Variants in GRIN3A observed in about 807,000 individuals in gnomAD.
GRIN3A encodes the protein glutamate ionotropic receptor NMDA type subunit 3A.
Under a neutral mutation model 92.4 loss-of-function variants are expected in GRIN3A, and 47 were observed. The ratio of observed to expected loss-of-function variants is 0.51; its 90% CI spans 0.40 to 0.65. The LOEUF (loss-of-function observed/expected upper bound fraction) is 0.65, where lower values mean the gene tolerates loss of function less well. Among genes scored for constraint, GRIN3A ranks in the 30% least tolerant of loss-of-function variants. GRIN3A has a pLI of 0.00. For synonymous variants in GRIN3A, 527 were observed against 540.6 expected, an observed-to-expected ratio of 0.97 and a Z score of 0.35; for missense variants, 1,324 against 1,393.1, an observed-to-expected ratio of 0.95 and a Z score of 0.79.
At chr9:101,658,020 G>A (rs376350011) in intron 3 of GRIN3A, among the ~76,000 whole-genome samples, 58 of 152,040 alleles carry the variant, frequency 3.8e-4, no homozygotes, top group African/African-American at 1.3e-3. Flanking sequence ...TAAGTCCAGA[G>A]GTGAGGAAAG....
At position 101,640,563 on chromosome 9, in the gene GRIN3A, C is replaced by T. The variant is rs56250757; in HGVS notation, c.2353-12162G>A. On this transcript the variant is annotated intron_variant, in intron 3 of 8. Transcript: ENST00000361820. ...AGAATGTTAGTTCTGTTTCCACTAC[C>T]TTGTGTAATCCTTATAGCAAAGAGA... is the stretch of plus-strand genomic sequence containing the variant. Among the ~76,000 whole-genome samples the T allele has an allele frequency of 4.5e-3, 682 of 152,230 alleles. 4 individuals carry two copies. Among genetic ancestry groups the T allele is most frequent in the African/African-American group, 0.015 (626 of 41,548 alleles).
chr9:101,676,642 T>C (rs1323426), intron 2 of GRIN3A, among the ~76,000 whole-genome samples: 35,455 of 151,782 alleles, frequency 0.23, 4,466 homozygotes, highest in East Asian at 0.56. Context: ...AGTAACATTC[T>C]CTCAAACTCC....
rs376697198 is a variant in GRIN3A, at chr9:101,721,943, CA to C, written c.699+15337del. Among the ~76,000 whole-genome samples the C allele has an allele frequency of 5.9e-5, 9 of 152,274 alleles. No homozygotes were observed. The East Asian group carries it at 1.4e-3, about 23-fold the overall frequency. On this transcript the variant is annotated intron_variant, in intron 1 of 8. Coordinates refer to ENST00000361820, the MANE Select transcript of GRIN3A (RefSeq NM_133445.3). ...AAAAATCCATTTTTGGGGAGAAATC[CA>C]AGCTGGCTGCAGAAATTTGAATAAG...
intron 3 of GRIN3A, among the ~76,000 whole-genome samples, chr9:101,662,090 C>T (rs956586426): frequency 1.3e-5 from 2 of 151,626 alleles, no homozygotes; most frequent in Admixed American, 1.3e-4. Flanking sequence ...GCTTAAAGGT[C>T]GCATAACATA....
chr9:101,575,638 T>A (rs1002699795), intron 8 of GRIN3A, among the ~76,000 whole-genome samples: 1 of 152,216 alleles, frequency 6.6e-6, no homozygotes, highest in African/African-American at 2.4e-5. Context: ...CCAAAATTTC[T>A]CCAAGCATTT....
rs181736594 is a variant in GRIN3A at position 101,683,100 on chromosome 9, T to C, written c.1304+3496A>G. On this transcript the variant is annotated intron_variant, in intron 2 of 8. Coordinates refer to ENST00000361820, the MANE Select transcript of GRIN3A (RefSeq NM_133445.3). ...ACATTTAGTTATTATGGACATTTGC[T>C]CTGGCATGTGGGGACCTAGGAAGAA... Among the ~76,000 whole-genome samples, 233 of 152,372 alleles carry C rather than the reference T, an allele frequency of 1.5e-3. 4 individuals are homozygous for C. Among genetic ancestry groups the C allele is most frequent in the African/African-American group, 5.4e-3 (226 of 41,596 alleles).
At chr9:101,584,647 A>G (rs1827928754) in intron 6 of GRIN3A, among the ~76,000 whole-genome samples, 1 of 152,220 alleles carries the variant, frequency 6.6e-6, no homozygotes, top group African/African-American at 2.4e-5. Context: ...AAATAATGGA[A>G]AGGGCTTCCA....
intron 3 of GRIN3A, among the ~76,000 whole-genome samples, chr9:101,669,538 T>C (rs1829288321): frequency 6.6e-6 from 1 of 152,048 alleles, no homozygotes; most frequent in South Asian, 2.1e-4. Flanking sequence ...AGTCTGATAC[T>C]CCTTGTTCTA....
chr9:101,594,686 G>GT, intron 6 of GRIN3A: 1 of 1,614,156 alleles, frequency 6.2e-7, no homozygotes, highest in African/African-American at 1.3e-5. Flanking sequence ...GAACTGGGAG[G>GT]TCCCCAGGAT....
intron 1 of GRIN3A, among the ~76,000 whole-genome samples, chr9:101,716,501 T>C (rs907972942): frequency 6.6e-6 from 1 of 152,250 alleles, no homozygotes; most frequent in Non-Finnish European, 1.5e-5. Flanking sequence ...TTTATGGGCA[T>C]GTTATGAATA....
chr9:101,627,321 A>C (rs533144834), intron 4 of GRIN3A, among the ~76,000 whole-genome samples: 2 of 152,326 alleles, frequency 1.3e-5, no homozygotes, highest in African/African-American at 4.8e-5. Context: ...AAAGTCCATA[A>C]AATTTTTTAA....
chr9:101,677,757 C>T (rs1341474639), intron 2 of GRIN3A, among the ~76,000 whole-genome samples: 1 of 152,010 alleles, frequency 6.6e-6, no homozygotes, highest in Non-Finnish European at 1.5e-5. Flanking sequence ...ACAGAGCTTA[C>T]CTGTGGTCCA....
At chr9:101,594,964 G>C in intron 6 of GRIN3A, 1 of 1,572,696 alleles carries the variant, frequency 6.4e-7, no homozygotes, top group Non-Finnish European at 8.6e-7. Context: ...GGTCGGAGAG[G>C]GGAGCAGGGG....
At chr9:101,674,027 A>G (rs1448641471) in intron 2 of GRIN3A, among the ~76,000 whole-genome samples, 1 of 152,122 alleles carries the variant, frequency 6.6e-6, no homozygotes, top group East Asian at 1.9e-4. Flanking sequence ...AGAAGGAATT[A>G]CAGTAAGCCA....
chr9:101,585,876 T>A (rs1287184518), intron 6 of GRIN3A, among the ~76,000 whole-genome samples: 2 of 152,168 alleles, frequency 1.3e-5, no homozygotes, highest in African/African-American at 4.8e-5. Context: ...GCGGAGTAAA[T>A]TCAGAGTCCT....
intron 1 of GRIN3A, among the ~76,000 whole-genome samples, chr9:101,688,259 A>C (rs976944222): frequency 3.9e-5 from 6 of 152,208 alleles, no homozygotes; most frequent in Non-Finnish European, 7.3e-5. Flanking sequence ...GTGTAACAGG[A>C]AATAGAATTT....
intron 3 of GRIN3A, among the ~76,000 whole-genome samples, chr9:101,631,656 T>C (rs1828717242): frequency 6.6e-6 from 1 of 152,182 alleles, no homozygotes; most frequent in South Asian, 2.1e-4. Flanking sequence ...TGACTTTCTG[T>C]TGTATTTGCT....
chr9:101,705,367 G>A (rs1176951986), intron 1 of GRIN3A, among the ~76,000 whole-genome samples: 1 of 152,064 alleles, frequency 6.6e-6, no homozygotes, highest in Non-Finnish European at 1.5e-5. Flanking sequence ...GAAGAACGGC[G>A]GAACTCCAGG....
intron 3 of GRIN3A, among the ~76,000 whole-genome samples, chr9:101,660,327 TCCTGGCTCAA>T (rs1829156909): frequency 6.6e-6 from 1 of 151,846 alleles, no homozygotes; most frequent in Non-Finnish European, 1.5e-5. Context: ...ATATACAATG[TCCTGGCTCAA>T]ACACTCTGGG....
Sources: allele counts gnomAD v4.1 joint callset (sites outside exome capture counted in the v4.1 genomes callset), GRCh38; gene constraint gnomAD v4.1.1; transcripts MANE v1.5; gene names NCBI Gene and HGNC (gene_info 2026-07-23, HGNC 2026-07-21).